AGAP1: variants seen among roughly 807,000 people sequenced by gnomAD.
AGAP1 encodes the protein arf-GAP with GTPase, ANK repeat and PH domain-containing protein 1.
Under a neutral mutation model 105.3 loss-of-function variants are expected in AGAP1, and 29 were observed. That is an observed-to-expected ratio of 0.28 (90% CI 0.21 to 0.38). AGAP1 has a LOEUF of 0.38. AGAP1 is among the 10% of genes least tolerant of loss of function. The pLI is 1.00. For synonymous variants in AGAP1, 509 were observed against 485.9 expected, an observed-to-expected ratio of 1.05 and a Z score of -0.63; for missense variants, 998 against 1,165.1, an observed-to-expected ratio of 0.86 and a Z score of 2.09.
intron 1 of AGAP1, among the ~76,000 whole-genome samples, chr2:235,654,224 T>C: frequency 6.6e-6 from 1 of 152,226 alleles, no homozygotes; most frequent in South Asian, 2.1e-4. Context: ...AGGGATTTTA[T>C]ATATAACTGT....
In AGAP1 at chr2:235,797,088, C is replaced by A. The variant is rs540988244; in HGVS notation, c.674-671C>A. Among the ~76,000 whole-genome samples, 4 of 152,132 alleles carry A rather than the reference C, an allele frequency of 2.6e-5. No individual in the cohort carries two copies. In the South Asian group the frequency reaches 8.3e-4, roughly 32 times the overall value. On this transcript the variant is annotated intron_variant, in intron 6 of 17. Transcript: ENST00000304032. ...ATTACATCTCCTTGAATATAATTCT[C>A]TATGATAGCTTGTAGAGTGAAGAGG...
chr2:235,637,909 G>A (rs1341970172), intron 1 of AGAP1, among the ~76,000 whole-genome samples: 2 of 152,170 alleles, frequency 1.3e-5, no homozygotes, highest in African/African-American at 4.8e-5. Flanking sequence ...AACAGAGAGA[G>A]TGAGTTTGCC....
Position 235,744,718 on chromosome 2 carries a change from T to C in AGAP1, c.417T>C (p.Ala139=), listed in dbSNP as rs752963873. 1 of 1,613,962 alleles carries C rather than the reference T, an allele frequency of 6.2e-7. No homozygotes were observed. The change falls in exon 5 of 18, where the codon GCT becomes GCC. Residue 139 remains alanine (A), a synonymous_variant. Transcript: ENST00000304032. This position sits in a 1 kb window ranked among gnomAD's most constrained non-coding sequence, Gnocchi z 5.2. Reference sequence around the variant, plus strand: ...CCTAGTTTGCCATGTGGGTGGACGCTGTTATATTTGTCTTCAGCTTGGAGG... The same window carrying C: ...CCTAGTTTGCCATGTGGGTGGACGCCGTTATATTTGTCTTCAGCTTGGAGG... ...PEAQFAMWVD[A]VIFVFSLEDE...
At chr2:235,495,575 A>T (rs1559200301) in intron 1 of AGAP1, among the ~76,000 whole-genome samples, 1 of 152,198 alleles carries the variant, frequency 6.6e-6, no homozygotes, top group Non-Finnish European at 1.5e-5. Context: ...TGTGGTTTTA[A>T]GAGGGGCAGG....
At chr2:235,503,814 T>G (rs1359961059) in intron 1 of AGAP1, among the ~76,000 whole-genome samples, 1 of 152,212 alleles carries the variant, frequency 6.6e-6, no homozygotes, top group Non-Finnish European at 1.5e-5. Flanking sequence ...TGGGCTGGTC[T>G]TGACATTCTG....
intron 1 of AGAP1, among the ~76,000 whole-genome samples, chr2:235,650,552 T>C (rs1947548397): frequency 6.6e-6 from 1 of 151,940 alleles, no homozygotes; most frequent in Admixed American, 6.6e-5. Context: ...GAAGTAAACA[T>C]AGAAAACATA....
Position 235,777,161 on chromosome 2 carries a change from A to G in AGAP1, c.674-20598A>G, listed in dbSNP as rs1955940509. 2 of 426,674 alleles carry G rather than the reference A, an allele frequency of 4.7e-6. No individual in the cohort carries two copies. Among genetic ancestry groups the G allele is most frequent in the Non-Finnish European group, 4.8e-6 (1 of 209,468 alleles). 26.4% of individuals were successfully genotyped at this position (426,674 alleles called of 1,614,324 possible). A position where few individuals can be genotyped will look rare whatever the true frequency, so the allele number is the denominator to read the frequency against. ...ATCACGAGGTCAGGAGATCGAGACCATCCTGGCTAACACAGTGAAACCCTG... is the reference window on the plus strand; with the variant it reads ...ATCACGAGGTCAGGAGATCGAGACCGTCCTGGCTAACACAGTGAAACCCTG... On this transcript the variant is annotated intron_variant, in intron 6 of 17. Coordinates refer to ENST00000304032, the MANE Select transcript of AGAP1 (RefSeq NM_001037131.3). The surrounding 1 kb of genome is among the most constrained non-coding windows in gnomAD (Gnocchi z 5.1).
In AGAP1 at chr2:235,659,815, C is replaced by T. The variant is rs747980055; in HGVS notation, c.164-49364C>T. Among the ~76,000 whole-genome samples, 5 of 152,206 alleles carry T rather than the reference C, an allele frequency of 3.3e-5. No homozygotes were observed. Among genetic ancestry groups the T allele is most frequent in the East Asian group, 3.9e-4 (2 of 5,192 alleles). On this transcript the variant is annotated intron_variant, in intron 1 of 17. Transcript: ENST00000304032. This position sits in a 1 kb window ranked among gnomAD's most constrained non-coding sequence, Gnocchi z 5.0. The stretch of plus-strand genomic sequence containing the variant: ...GCCCTGGCCTCTGCAGATAAGCCCT[C>T]GGATGCGAAATCTGGGGAACCAGCC...
intron 5 of AGAP1, among the ~76,000 whole-genome samples, chr2:235,749,937 G>T (rs960052701): frequency 4.6e-5 from 7 of 152,316 alleles, no homozygotes; most frequent in South Asian, 2.1e-4. Context: ...CATTTATTAA[G>T]TGCGTCATTG....
chr2:235,669,499 TCGCCGC>T (rs540775923), intron 1 of AGAP1: 9 of 150,244 alleles, frequency 6.0e-5, no homozygotes, highest in Non-Finnish European at 1.2e-4. Context: ...GCCGCCGCGC[TCGCCGC>T]CGCCGCCGCC....
chr2:235,529,390 G>A (rs1942967484), intron 1 of AGAP1, among the ~76,000 whole-genome samples: 1 of 152,232 alleles, frequency 6.6e-6, no homozygotes. Flanking sequence ...CATTGCCATT[G>A]TAAGGATTAA....
chr2:235,629,314 G>GTGTGTA (rs1334419160), intron 1 of AGAP1, among the ~76,000 whole-genome samples: 2 of 103,866 alleles, frequency 1.9e-5, no homozygotes, highest in Non-Finnish European at 4.2e-5. Context: ...GTGTGTGTGT[G>GTGTGTA]TGTGTATGTG....
rs2054123696 is a variant in AGAP1, at chr2:235,960,208, C to CT, written c.1484-8251dup. 6.6e-6 allele frequency among the ~76,000 whole-genome samples: 1 copy of CT among 152,210 alleles called. No homozygotes were observed. The highest frequency in any genetic ancestry group is 2.4e-5 in the African/African-American group (1 of 41,458). Reference sequence around the variant, plus strand: ...GGTGCTGCTTCCAGGATCACAGGTGCTTTGCACACGTCAGTTACTCGAGTC... The same window carrying CT: ...GGTGCTGCTTCCAGGATCACAGGTGCTTTTGCACACGTCAGTTACTCGAGTC... On this transcript the variant is annotated intron_variant, in intron 12 of 17. Transcript: ENST00000304032. The surrounding 1 kb of genome is among the most constrained non-coding windows in gnomAD (Gnocchi z 4.9).
At chr2:236,008,842 A>G (rs2056412414) in intron 13 of AGAP1, among the ~76,000 whole-genome samples, 1 of 152,252 alleles carries the variant, frequency 6.6e-6, no homozygotes, top group Non-Finnish European at 1.5e-5. Context: ...CCAGATTAAA[A>G]TTCCATAATT....
chr2:235,956,786 C>T (rs982352216), intron 12 of AGAP1, among the ~76,000 whole-genome samples: 2 of 152,188 alleles, frequency 1.3e-5, no homozygotes, highest in Admixed American at 1.3e-4. Flanking sequence ...GGCTGGAGGC[C>T]AGACAGCCAC....
chr2:235,629,649 G>A (rs1255008968), intron 1 of AGAP1, among the ~76,000 whole-genome samples: 1 of 151,582 alleles, frequency 6.6e-6, no homozygotes, highest in Non-Finnish European at 1.5e-5. Context: ...CAGGGGGATT[G>A]CTTGAGCCCA....
intron 9 of AGAP1, chr2:235,852,965 A>G (rs2048539177): frequency 4.0e-6 from 5 of 1,262,992 alleles, no homozygotes; most frequent in Non-Finnish European, 5.0e-6. Context: ...CTTCCAACAA[A>G]GAGGTTACAG....
At chr2:236,022,277 GCTT>G (rs1273070811) in intron 13 of AGAP1, among the ~76,000 whole-genome samples, 1 of 152,164 alleles carries the variant, frequency 6.6e-6, no homozygotes, top group Admixed American at 6.5e-5. Flanking sequence ...GTGGGGATTT[GCTT>G]CTTCACAGAA....
At chr2:235,814,553 A>T (rs1465507206) in intron 9 of AGAP1, among the ~76,000 whole-genome samples, 1 of 152,138 alleles carries the variant, frequency 6.6e-6, no homozygotes, top group Admixed American at 6.5e-5. Flanking sequence ...CTACGGCTGG[A>T]GGAGGCAGAA....
Sources: allele counts gnomAD v4.1 joint callset (sites outside exome capture counted in the v4.1 genomes callset), GRCh38; gene constraint gnomAD v4.1.1; non-coding constraint Gnocchi (gnomAD v3.1); transcripts MANE v1.5; gene names NCBI Gene and HGNC (gene_info 2026-07-23, HGNC 2026-07-21).